Variants in SEMA3A observed in about 807,000 individuals in gnomAD.
SEMA3A encodes the protein semaphorin 3A, also known as semaphorin-3A.
In SEMA3A, 29 loss-of-function variants were observed where a neutral mutation model predicts 97.9. The ratio of observed to expected loss-of-function variants is 0.30; its 90% confidence interval spans 0.22 to 0.40. The LOEUF (loss-of-function observed/expected upper bound fraction) is 0.40, where lower values mean the gene tolerates loss of function less well. Ranked by LOEUF, SEMA3A falls within the 10% of genes least tolerant of loss-of-function variation. SEMA3A has a pLI of 1.00. For missense variants in SEMA3A, 763 were observed against 951.3 expected, an observed-to-expected ratio of 0.80 and a Z score of 2.60; for synonymous variants, 321 against 323.7, an observed-to-expected ratio of 0.99 and a Z score of 0.09.
At chr7:84,359,880 T>C (rs1326164958) in intron 2 of SEMA3A, among the ~76,000 whole-genome samples, 1 of 151,980 alleles carries the variant, frequency 6.6e-6, no homozygotes, top group Non-Finnish European at 1.5e-5. Flanking sequence ...GGTGTATGTG[T>C]CGAGGAATTT....
At position 83,966,353 on chromosome 7, in the gene SEMA3A, T is replaced by C. The variant is rs149225999; in HGVS notation, c.1718-3006A>G. On this transcript the variant is annotated intron_variant, in intron 15 of 16. Transcript: ENST00000265362. Reference sequence around the variant, plus strand: ...TTAGTTTAATATACTAATATTTCACTCTCTTCAAGAAACATTCTGATATTC... The same window carrying C: ...TTAGTTTAATATACTAATATTTCACCCTCTTCAAGAAACATTCTGATATTC... Among the ~76,000 whole-genome samples, 90 of 152,258 alleles carry C rather than the reference T, an allele frequency of 5.9e-4. No individual in the cohort carries two copies. In the East Asian group the frequency reaches 0.016, roughly 27 times the overall value.
At chr7:84,046,271 A>G in intron 6 of SEMA3A, 53 bp downstream of exon 6, 1 of 1,595,048 alleles carries the variant, frequency 6.3e-7, no homozygotes, top group Non-Finnish European at 8.6e-7. Context: ...TTCTCTAGTA[A>G]CTTAATACAG....
intron 1 of SEMA3A, among the ~76,000 whole-genome samples, chr7:84,389,874 T>A (rs1453232955): frequency 6.6e-6 from 1 of 152,116 alleles, no homozygotes; most frequent in African/African-American, 2.4e-5. Flanking sequence ...CATCTAAAAC[T>A]TTTTTTAAAC....
At chr7:84,067,720 A>T (rs1390165719) in intron 4 of SEMA3A, among the ~76,000 whole-genome samples, 6 of 151,926 alleles carry the variant, frequency 3.9e-5, no homozygotes, top group African/African-American at 1.4e-4. Flanking sequence ...AAACCACAAT[A>T]AGATACCATC....
At chr7:84,137,787 G>A (rs1455404166) in intron 1 of SEMA3A, among the ~76,000 whole-genome samples, 1 of 151,704 alleles carries the variant, frequency 6.6e-6, no homozygotes, top group African/African-American at 2.4e-5. Flanking sequence ...GTACAAGAAT[G>A]GATTTTAATT....
intron 6 of SEMA3A, among the ~76,000 whole-genome samples, chr7:84,041,308 A>G (rs1041619433): frequency 2.6e-5 from 4 of 152,088 alleles, no homozygotes; most frequent in Admixed American, 1.3e-4. Flanking sequence ...TTCTTTATGA[A>G]AAAAAGATGT....
At chr7:84,025,455 C>T (rs1383097363) in intron 6 of SEMA3A, among the ~76,000 whole-genome samples, 1 of 152,144 alleles carries the variant, frequency 6.6e-6, no homozygotes, top group African/African-American at 2.4e-5. Flanking sequence ...GAACTTTCAG[C>T]ACATTAAGAA....
intron 1 of SEMA3A, among the ~76,000 whole-genome samples, chr7:84,173,915 T>C (rs1797478474): frequency 6.6e-6 from 1 of 152,138 alleles, no homozygotes; most frequent in Non-Finnish European, 1.5e-5. Context: ...GTGAGGGACC[T>C]AGGTTGCATG....
chr7:83,995,012 C>T (rs896715728), intron 12 of SEMA3A, among the ~76,000 whole-genome samples: 1 of 152,168 alleles, frequency 6.6e-6, no homozygotes, highest in Non-Finnish European at 1.5e-5. Flanking sequence ...GGGATATAAT[C>T]TCTTGGTGCG....
chr7:84,416,120 C>T (rs1264825274), intron 1 of SEMA3A, among the ~76,000 whole-genome samples: 4 of 151,942 alleles, frequency 2.6e-5, no homozygotes, highest in Admixed American at 6.6e-5. Context: ...TGGCTATGTC[C>T]CCACCCAAAT....
chr7:84,343,029 T>C lies in SEMA3A; in HGVS notation c.-169+28795A>G, dbSNP rs554925626. 7.0e-4 allele frequency among the ~76,000 whole-genome samples: 107 copies of C among 152,330 alleles called. No homozygotes were observed. The Middle Eastern group carries it at 0.014, about 19-fold the overall frequency. Reference sequence around the variant, plus strand: ...CAAGTATGCTTTGAAATGTACACTTTCATTTAATTCTCACAAGCATACCAT... The same window carrying C: ...CAAGTATGCTTTGAAATGTACACTTCCATTTAATTCTCACAAGCATACCAT... On this transcript the variant is annotated intron_variant, in intron 2 of 3. Transcript: ENST00000424555.
At chr7:84,417,484 A>T (rs1001743740) in intron 1 of SEMA3A, among the ~76,000 whole-genome samples, 85 of 152,244 alleles carry the variant, frequency 5.6e-4, no homozygotes, top group African/African-American at 1.9e-3. Flanking sequence ...CCAAAAATTT[A>T]TGACGCGTTT....
intron 12 of SEMA3A, among the ~76,000 whole-genome samples, chr7:83,992,216 T>G (rs1789981745): frequency 6.6e-6 from 1 of 151,524 alleles, no homozygotes; most frequent in Non-Finnish European, 1.5e-5. Flanking sequence ...TCTTTTTTTC[T>G]TTATTAGTCT....
intron 2 of SEMA3A, among the ~76,000 whole-genome samples, chr7:84,329,113 A>G (rs1258911304): frequency 6.6e-6 from 1 of 151,932 alleles, no homozygotes; most frequent in Non-Finnish European, 1.5e-5. Context: ...TTTAAGAAAA[A>G]AAAACCCGAT....
At chr7:84,190,750 T>G (rs1282567597) in intron 1 of SEMA3A, among the ~76,000 whole-genome samples, 2 of 148,346 alleles carry the variant, frequency 1.3e-5, no homozygotes, top group African/African-American at 4.9e-5. Flanking sequence ...CACACACATA[T>G]ATATAATTTA....
chr7:84,252,860 G>A (rs1481171856), intron 3 of SEMA3A, among the ~76,000 whole-genome samples: 1 of 151,906 alleles, frequency 6.6e-6, no homozygotes, highest in Admixed American at 6.6e-5. Flanking sequence ...TTGTGCTGAA[G>A]TTACTTATCT....
chr7:84,283,118 TTGTGTG>T (rs150526169), intron 3 of SEMA3A, among the ~76,000 whole-genome samples: 2 of 151,844 alleles, frequency 1.3e-5, no homozygotes, highest in African/African-American at 4.8e-5. Flanking sequence ...TCTTTAAGAA[TTGTGTG>T]TGTGTGTGTT....
At chr7:84,324,473 T>A (rs1027755945) in intron 2 of SEMA3A, among the ~76,000 whole-genome samples, 1 of 152,120 alleles carries the variant, frequency 6.6e-6, no homozygotes, top group African/African-American at 2.4e-5. Context: ...CTCCAGTGAA[T>A]GAACAAAAAC....
At position 84,014,365 on chromosome 7, in the gene SEMA3A, A is replaced by T. The variant is rs2272222; in HGVS notation, c.668-14T>A. The T allele has an allele frequency of 0.34, 535,124 of 1,579,162 alleles. 97,868 individuals carry two copies. Among genetic ancestry groups the T allele is most frequent in the African/African-American group, 0.7 (51,057 of 73,410 alleles). Reference sequence around the variant, plus strand: ...TGAACTTTGGATCTGAGAGACAAATAATAGCGTATATATTAATTCACAGCT... The same window carrying T: ...TGAACTTTGGATCTGAGAGACAAATTATAGCGTATATATTAATTCACAGCT... On this transcript the variant is annotated splice_polypyrimidine_tract_variant and intron_variant, in intron 6 of 16. Coordinates refer to ENST00000265362, the MANE Select transcript of SEMA3A (RefSeq NM_006080.3).
Sources: allele counts gnomAD v4.1 joint callset (sites outside exome capture counted in the v4.1 genomes callset), GRCh38; gene constraint gnomAD v4.1.1; transcripts MANE v1.5; gene names NCBI Gene and HGNC (gene_info 2026-07-23, HGNC 2026-07-21).